SCHIP1: variants seen among roughly 807,000 people sequenced by gnomAD.
SCHIP1 encodes schwannomin-interacting protein 1.
Under a neutral mutation model 29.7 loss-of-function variants are expected in SCHIP1, and 8 were observed. That is an observed-to-expected ratio of 0.27 (90% CI 0.16 to 0.49). SCHIP1 has a LOEUF of 0.49. Ranked by LOEUF, SCHIP1 falls within the 20% of genes least tolerant of loss-of-function variation. The probability of loss-of-function intolerance (pLI) is 0.99; values close to 1 mark genes in which losing one functional copy is unlikely to be tolerated. For synonymous variants in SCHIP1, 76 were observed against 94.9 expected, an observed-to-expected ratio of 0.80 and a Z score of 1.16; for missense variants, 193 against 294.6, an observed-to-expected ratio of 0.66 and a Z score of 2.52.
the SCHIP1 span, among the ~76,000 whole-genome samples, chr3:159,724,843 C>G: frequency 5.9e-5 from 9 of 152,378 alleles, no homozygotes; most frequent in Non-Finnish European, 1.5e-5. Context: ...TCACCTTGTG[C>G]ATGTAACTCA....
At chr3:159,645,614 G>A in the SCHIP1 span, among the ~76,000 whole-genome samples, 1 of 152,142 alleles carries the variant, frequency 6.6e-6, no homozygotes, top group African/African-American at 2.4e-5. Context: ...GGAGTGCGGA[G>A]AATGGATTGT....
chr3:159,584,764 T>C, the SCHIP1 span, among the ~76,000 whole-genome samples: 1 of 152,114 alleles, frequency 6.6e-6, no homozygotes, highest in Non-Finnish European at 1.5e-5. Context: ...AGCCTGTGTT[T>C]CAGTAAGCCC....
intron 6 of SCHIP1, chr3:159,892,604 C>T: frequency 4.0e-6 from 1 of 249,776 alleles, no homozygotes; most frequent in Non-Finnish European, 7.6e-6. Context: ...ATCGCCTCTG[C>T]CATGCCCAGA....
intron 6 of SCHIP1, chr3:159,892,404 T>C (rs935355370): frequency 3.2e-6 from 2 of 616,660 alleles, no homozygotes; most frequent in Non-Finnish European, 5.7e-6. Context: ...CCCCTTGTGA[T>C]GAATTGTCAG....
chr3:159,590,491 G>T, the SCHIP1 span, among the ~76,000 whole-genome samples: 1 of 151,972 alleles, frequency 6.6e-6, no homozygotes, highest in South Asian at 2.1e-4. Flanking sequence ...CAGAAGAATC[G>T]CTTGAACCCA....
At chr3:159,776,349 T>C in the SCHIP1 span, among the ~76,000 whole-genome samples, 4 of 102,980 alleles carry the variant, frequency 3.9e-5, no homozygotes, top group Non-Finnish European at 8.2e-5. Context: ...TTTTTTTTTT[T>C]TTTTTGGAAG....
the SCHIP1 span, among the ~76,000 whole-genome samples, chr3:159,373,348 G>C: frequency 2.0e-5 from 3 of 151,758 alleles, no homozygotes; most frequent in East Asian, 5.8e-4. Context: ...AAAAAGTGAT[G>C]TTATAATTTA....
At chr3:159,791,900 G>GA in the SCHIP1 span, among the ~76,000 whole-genome samples, 1 of 152,092 alleles carries the variant, frequency 6.6e-6, no homozygotes, top group Non-Finnish European at 1.5e-5. Flanking sequence ...TCTTAATGAG[G>GA]AAAAATCTCA....
the SCHIP1 span, among the ~76,000 whole-genome samples, chr3:159,463,938 T>A: frequency 1.1e-4 from 17 of 152,294 alleles, no homozygotes; most frequent in Non-Finnish European, 2.4e-4. Context: ...ATTGTATGGA[T>A]GTGCTATCAT....
intron 2 of SCHIP1, among the ~76,000 whole-genome samples, chr3:159,885,967 T>C (rs1463872784): frequency 3.3e-5 from 5 of 152,244 alleles, no homozygotes; most frequent in Non-Finnish European, 7.3e-5. Context: ...CTGGGTGCTC[T>C]AACATGGGGC....
At chr3:159,586,089 C>T in the SCHIP1 span, among the ~76,000 whole-genome samples, 1 of 151,912 alleles carries the variant, frequency 6.6e-6, no homozygotes, top group South Asian at 2.1e-4. Context: ...TTGGTTTTTC[C>T]TCAACTTAAA....
At chr3:159,634,802 C>T in the SCHIP1 span, among the ~76,000 whole-genome samples, 1 of 152,116 alleles carries the variant, frequency 6.6e-6, no homozygotes. Context: ...CAGAAGTTTT[C>T]CCCCCCTTTT....
the SCHIP1 span, among the ~76,000 whole-genome samples, chr3:159,493,180 G>C: frequency 3.3e-5 from 5 of 152,182 alleles, no homozygotes; most frequent in South Asian, 1.0e-3. Context: ...AGGCTAGGAA[G>C]AAACTGCATC....
chr3:159,540,462 C>A, the SCHIP1 span, among the ~76,000 whole-genome samples: 1 of 152,058 alleles, frequency 6.6e-6, no homozygotes, highest in African/African-American at 2.4e-5. Flanking sequence ...GTATTTTTAA[C>A]CCCATATGAA....
chr3:159,749,358 A>T, the SCHIP1 span, among the ~76,000 whole-genome samples: 1 of 151,888 alleles, frequency 6.6e-6, no homozygotes, highest in African/African-American at 2.4e-5. Flanking sequence ...TCGAAAGAGA[A>T]TTTAAAAAAA....
the SCHIP1 span, among the ~76,000 whole-genome samples, chr3:159,420,229 G>A: frequency 6.6e-6 from 1 of 152,198 alleles, no homozygotes; most frequent in Non-Finnish European, 1.5e-5. Context: ...CAAGAGAAAT[G>A]GCTGGGAGGG....
chr3:159,843,801 C>T lies in SCHIP1; in HGVS notation c.30+3587C>T, dbSNP rs191809473. ...TCACGCCACTGCGCTCCAGCCTGGG[C>T]GACAGAGCAAGACTCTGTCTCAAAA... is the stretch of plus-strand genomic sequence containing the variant. On this transcript the variant is annotated intron_variant, in intron 1 of 6. Transcript: ENST00000445224. Among the ~76,000 whole-genome samples the T allele has an allele frequency of 4.0e-3, 494 of 122,600 alleles. 3 individuals are homozygous for T. Among genetic ancestry groups the T allele is most frequent in the African/African-American group, 5.1e-3 (151 of 29,558 alleles). 80.4% of individuals were successfully genotyped at this position (122,600 alleles called of 152,430 possible).
At chr3:159,529,847 G>A in the SCHIP1 span, among the ~76,000 whole-genome samples, 2 of 152,112 alleles carry the variant, frequency 1.3e-5, no homozygotes, top group Admixed American at 1.3e-4. Flanking sequence ...ATGAGTGAGA[G>A]CATGAAATAT....
chr3:159,766,424 T>C, the SCHIP1 span, among the ~76,000 whole-genome samples: 1 of 152,212 alleles, frequency 6.6e-6, no homozygotes, highest in African/African-American at 2.4e-5. Context: ...TTTAGGAGTT[T>C]ACCATGGCCA....
Sources: gnomAD v4.1 joint callset for allele counts (sites outside exome capture counted in the v4.1 genomes callset) on GRCh38, gnomAD v4.1.1 for gene constraint, MANE v1.5 for transcripts, NCBI Gene and HGNC (gene_info 2026-07-23, HGNC 2026-07-21) for gene names.